ARL17B: variants seen among roughly 807,000 people sequenced by gnomAD.
ARL17B encodes the protein ARF like GTPase 17B.
At chr17:46,331,958 G>A (rs1358335353), downstream of ARL17B, 1 of 404,704 alleles carries the variant, frequency 2.5e-6, no homozygotes, top group East Asian at 3.5e-5. Flanking sequence ...AGCCCAGAGT[G>A]AACAGAAAGA....
At chr17:46,275,471 A>G in intron 4 of ARL17B, 1 of 744,474 alleles carries the variant, frequency 1.3e-6, no homozygotes. Flanking sequence ...TTTGAAAATG[A>G]TGCTTTATGC....
intron 4 of ARL17B, among the ~76,000 whole-genome samples, chr17:46,278,259 T>A (rs2049647217): frequency 6.6e-6 from 1 of 152,224 alleles, no homozygotes; most frequent in Non-Finnish European, 1.5e-5. Context: ...GTAGCTTTCT[T>A]ATACTGCTCT....
intron 4 of ARL17B, among the ~76,000 whole-genome samples, chr17:46,288,773 G>A (rs2049989330): frequency 1.3e-5 from 2 of 150,128 alleles, no homozygotes; most frequent in South Asian, 2.1e-4. Context: ...GCACAATCTC[G>A]GCTCAGTGTA....
chr17:46,281,435 G>A (rs981293427), intron 4 of ARL17B, among the ~76,000 whole-genome samples: 5 of 151,946 alleles, frequency 3.3e-5, no homozygotes, highest in Admixed American at 2.6e-4. Flanking sequence ...TGTGATTCAG[G>A]CTGGAGAGCG....
intron 4 of ARL17B, among the ~76,000 whole-genome samples, chr17:46,280,582 T>C (rs2143346565): frequency 6.8e-6 from 1 of 146,714 alleles, no homozygotes; most frequent in East Asian, 2.0e-4. Flanking sequence ...TTTTTTTTTT[T>C]TTTTTTTCCT....
At chr17:46,285,853 G>A (rs1265383948) in intron 4 of ARL17B, among the ~76,000 whole-genome samples, 3 of 152,216 alleles carry the variant, frequency 2.0e-5, no homozygotes, top group African/African-American at 7.2e-5. Context: ...CCAAAATTAT[G>A]CCAGCTGATT....
intron 4 of ARL17B, among the ~76,000 whole-genome samples, chr17:46,279,500 CTT>C (rs369361891): frequency 0.16 from 19,976 of 122,050 alleles, 1,739 homozygotes; most frequent in Middle Eastern, 0.26. Context: ...TTCTTTCTTT[CTT>C]TTTTTTTTTT....
intron 4 of ARL17B, among the ~76,000 whole-genome samples, chr17:46,285,928 C>T (rs2049894888): frequency 6.6e-6 from 1 of 152,272 alleles, no homozygotes; most frequent in Admixed American, 6.5e-5. Context: ...CTCTTCAACT[C>T]CTCATCATCC....
chr17:46,351,776 T>G (rs1322653250), intron 3 of ARL17B, among the ~76,000 whole-genome samples: 1 of 152,164 alleles, frequency 6.6e-6, no homozygotes, highest in African/African-American at 2.4e-5. Flanking sequence ...TACTATCAAG[T>G]ACATGCAGGA....
At chr17:46,275,283 G>A in exon 5 of ARL17B, 1 of 592,240 alleles carries the variant, frequency 1.7e-6, no homozygotes, top group Non-Finnish European at 2.8e-6. Context: ...GTCAAGTCTT[G>A]TCAGGATAGC....
At chr17:46,317,196 G>T (rs3096456) in intron 3 of ARL17B, among the ~76,000 whole-genome samples, 3,888 of 53,404 alleles carry the variant, frequency 0.073, 155 homozygotes, top group Middle Eastern at 0.37. Context: ...TGCCCAGTTA[G>T]TTTTAAATTT....
intron 4 of ARL17B, among the ~76,000 whole-genome samples, chr17:46,290,677 C>T (rs1412407295): frequency 2.0e-5 from 3 of 152,220 alleles, no homozygotes; most frequent in African/African-American, 7.2e-5. Context: ...GAACTCCTGA[C>T]CTCAAGTGAT....
intron 4 of ARL17B, among the ~76,000 whole-genome samples, chr17:46,277,614 C>A (rs2942178): frequency 0.089 from 12,496 of 140,922 alleles, no homozygotes; most frequent in Middle Eastern, 0.14. Context: ...TTTCAGTTCT[C>A]TGGGTAGATT....
chr17:46,281,315 T>G (rs2049756951), intron 4 of ARL17B, among the ~76,000 whole-genome samples: 1 of 151,754 alleles, frequency 6.6e-6, no homozygotes, highest in Admixed American at 6.6e-5. Flanking sequence ...AATAGTCATT[T>G]GCTGAGTGAA....
At chr17:46,286,529 A>G (rs2143413348) in intron 4 of ARL17B, among the ~76,000 whole-genome samples, 1 of 152,340 alleles carries the variant, frequency 6.6e-6, no homozygotes, top group Non-Finnish European at 1.5e-5. Context: ...GTTTAATCTC[A>G]TTAATTTCTA....
chr17:46,300,011 C>T (rs879031358), intron 3 of ARL17B: 407 of 29,218 alleles, frequency 0.014, 1 homozygote, highest in South Asian at 0.12. Flanking sequence ...ATTGTATGGT[C>T]ATTTTAAAAT....
At chr17:46,279,223 G>A (rs776693414) in intron 4 of ARL17B, among the ~76,000 whole-genome samples, 19 of 138,476 alleles carry the variant, frequency 1.4e-4, no homozygotes, top group African/African-American at 4.4e-4. Context: ...TCGCTCTGTC[G>A]CCTAGGCTGG....
chr17:46,305,214 C>CT (rs1445142785), intron 3 of ARL17B, among the ~76,000 whole-genome samples: 1 of 106,472 alleles, frequency 9.4e-6, no homozygotes, highest in Non-Finnish European at 2.2e-5. Flanking sequence ...GAGATAAAAT[C>CT]TTTGAGCTCA....
intron 3 of ARL17B, among the ~76,000 whole-genome samples, chr17:46,317,081 C>A (rs2143844682): frequency 1.2e-5 from 1 of 85,150 alleles, no homozygotes; most frequent in Non-Finnish European, 3.5e-5. Context: ...TTCTATTCAA[C>A]AAAACCGCCA....
Sources: allele counts gnomAD v4.1 joint callset (sites outside exome capture counted in the v4.1 genomes callset), GRCh38; gene constraint gnomAD v4.1.1; transcripts MANE v1.5; gene names NCBI Gene and HGNC (gene_info 2026-07-23, HGNC 2026-07-21).